Variants in NCKAP5 observed in about 807,000 individuals in gnomAD.
NCKAP5 encodes nck-associated protein 5.
A neutral mutation model predicts 167.0 loss-of-function variants in NCKAP5; 92 were observed. The observed-to-expected ratio is 0.55, with a 90% CI of 0.47 to 0.66. NCKAP5 has a LOEUF of 0.66. Ranked by LOEUF, NCKAP5 falls within the 30% of genes least tolerant of loss-of-function variation. The probability of loss-of-function intolerance (pLI) is 0.00; values close to 1 mark genes in which losing one functional copy is unlikely to be tolerated. For missense variants in NCKAP5, 2,378 were observed against 2,315.0 expected (o/e 1.03, Z -0.56); for synonymous variants, 891 against 877.4 (o/e 1.02, Z -0.27).
In NCKAP5 at chr2:132,785,640, G is replaced by C. The variant is rs1337956976; in HGVS notation, c.1171C>G (p.Leu391Val). 4 of 1,533,124 alleles carry C rather than the reference G, an allele frequency of 2.6e-6. No individual in the cohort carries two copies. The highest frequency in any genetic ancestry group is 1.4e-5 in the African/African-American group (1 of 72,156). The allele number at this position is 1,533,124 out of a possible 1,614,324, so 95.0% of individuals were successfully genotyped here. A position where few individuals can be genotyped will look rare whatever the true frequency, so the allele number is the denominator to read the frequency against. ...PSGFASPTNE[L>V]PPTRIKESHI... is the part of the protein sequence containing the mutation. ...CTTTCCTTGATACGAGTTGGAGGTA[G>C]TTCATTTGTAGGACTAGCAAAGCCA... Residue 391 changes from leucine (L) to valine (V), a missense_variant, in exon 14 of 20, where the codon CTA becomes GTA. Around this residue, in one of 3 missense-constraint regions of NCKAP5, gnomAD observed 1,049 missense variants for 1,023.4 expected, o/e 1.02. Transcript: ENST00000409261.
chr2:133,001,911 G>A (rs1384629900), intron 6 of NCKAP5, among the ~76,000 whole-genome samples: 4 of 152,140 alleles, frequency 2.6e-5, no homozygotes, highest in African/African-American at 9.7e-5. Flanking sequence ...CATGCACTGA[G>A]TACTACATTG....
chr2:133,313,132 T>C (rs1269319677), intron 3 of NCKAP5, among the ~76,000 whole-genome samples: 1 of 152,154 alleles, frequency 6.6e-6, no homozygotes, highest in Non-Finnish European at 1.5e-5. Flanking sequence ...GGATTTTATG[T>C]TGGTTAGATG....
intron 11 of NCKAP5, among the ~76,000 whole-genome samples, chr2:132,817,022 C>A (rs574400969): frequency 6.6e-6 from 1 of 152,172 alleles, no homozygotes; most frequent in African/African-American, 2.4e-5. Context: ...ACTGTCACCA[C>A]GTGGTACTGG....
intron 3 of NCKAP5, among the ~76,000 whole-genome samples, chr2:133,354,555 G>A (rs888451663): frequency 6.6e-6 from 1 of 152,170 alleles, no homozygotes; most frequent in African/African-American, 2.4e-5. Flanking sequence ...TCACCCAATA[G>A]ATAAGAAGGT....
the NCKAP5 span, among the ~76,000 whole-genome samples, chr2:133,589,686 T>A: frequency 6.6e-6 from 1 of 152,230 alleles, no homozygotes; most frequent in Admixed American, 6.5e-5. Flanking sequence ...GCCCACCAGA[T>A]GGCCAGAGCC....
At chr2:132,900,977 GAA>G (rs58885401) in intron 8 of NCKAP5, among the ~76,000 whole-genome samples, 3 of 98,700 alleles carry the variant, frequency 3.0e-5, no homozygotes, top group African/African-American at 7.3e-5. Context: ...AAAAAAAAAA[GAA>G]AAAAAAAAAA....
chr2:132,718,816 C>A (rs186440277), intron 19 of NCKAP5, among the ~76,000 whole-genome samples: 2 of 152,250 alleles, frequency 1.3e-5, no homozygotes, highest in African/African-American at 4.8e-5. Context: ...ATGTCCCCTG[C>A]TAAGTTCAGA....
At chr2:133,608,342 A>G in the NCKAP5 span, among the ~76,000 whole-genome samples, 1 of 152,214 alleles carries the variant, frequency 6.6e-6, no homozygotes, top group African/African-American at 2.4e-5. Flanking sequence ...AAGAGAGGTT[A>G]GCATCTCTTC....
At chr2:133,197,086 T>A (rs976182771) in intron 5 of NCKAP5, among the ~76,000 whole-genome samples, 1 of 152,144 alleles carries the variant, frequency 6.6e-6, no homozygotes, top group African/African-American at 2.4e-5. Context: ...AAACTAATGT[T>A]CCAGCTTTCT....
At chr2:132,812,331 T>C (rs1477063052) in intron 11 of NCKAP5, among the ~76,000 whole-genome samples, 2 of 152,358 alleles carry the variant, frequency 1.3e-5, no homozygotes, top group South Asian at 2.1e-4. Context: ...TTAATCCTTA[T>C]GGTCACTTTA....
chr2:132,673,158 C>T lies in NCKAP5; in HGVS notation c.*131G>A, dbSNP rs1683955876. 7.3e-7 allele frequency: 1 copy of T among 1,364,522 alleles called. No homozygotes were observed. The highest frequency in any genetic ancestry group is 1.5e-5 in the African/African-American group (1 of 66,468). The allele number at this position is 1,364,522 out of a possible 1,614,324, so 84.5% of individuals were successfully genotyped here. ...GTCTCTTCATTTTTTTCTTTTTCTT[C>T]CTTCTGTCCTTCAACCTTGTTCAGA... On this transcript the variant is annotated 3_prime_UTR_variant, in exon 20 of 20. Coordinates refer to ENST00000409261, the MANE Select transcript of NCKAP5 (RefSeq NM_207363.3).
intron 6 of NCKAP5, among the ~76,000 whole-genome samples, chr2:133,041,395 T>C (rs897068560): frequency 6.6e-6 from 1 of 152,176 alleles, no homozygotes; most frequent in Non-Finnish European, 1.5e-5. Context: ...ATGATGTTAA[T>C]GTCAATAGGA....
chr2:132,736,424 C>T (rs1239462593), intron 16 of NCKAP5, among the ~76,000 whole-genome samples: 1 of 152,002 alleles, frequency 6.6e-6, no homozygotes, highest in Non-Finnish European at 1.5e-5. Context: ...GTAGTAGGAC[C>T]CAAGTTCAAA....
intron 4 of NCKAP5, among the ~76,000 whole-genome samples, chr2:133,277,866 G>A (rs2089792689): frequency 3.3e-5 from 5 of 152,222 alleles, no homozygotes; most frequent in South Asian, 4.1e-4. Flanking sequence ...TACAATAAAG[G>A]TGGCATTTCA....
intron 19 of NCKAP5, among the ~76,000 whole-genome samples, chr2:132,674,578 C>T (rs1558901403): frequency 6.6e-6 from 1 of 152,210 alleles, no homozygotes; most frequent in Admixed American, 6.5e-5. Context: ...CCACCCCCAA[C>T]ATTGTTATGC....
intron 3 of NCKAP5, among the ~76,000 whole-genome samples, chr2:133,407,887 G>T (rs922535325): frequency 3.9e-5 from 6 of 152,182 alleles, no homozygotes; most frequent in African/African-American, 1.2e-4. Flanking sequence ...GGGGACCAAG[G>T]TTAGCCAGCA....
intron 19 of NCKAP5, among the ~76,000 whole-genome samples, chr2:132,707,876 G>C (rs1438464676): frequency 1.3e-5 from 2 of 152,036 alleles, no homozygotes; most frequent in Non-Finnish European, 2.9e-5. Flanking sequence ...AGTAGGAACA[G>C]GCAGCAGGCA....
chr2:133,149,457 C>G (rs926802847), intron 5 of NCKAP5, among the ~76,000 whole-genome samples: 1 of 151,440 alleles, frequency 6.6e-6, no homozygotes, highest in Non-Finnish European at 1.5e-5. Context: ...CCCACCCCCA[C>G]CACACAAACA....
chr2:132,682,087 C>A (rs969788775), intron 19 of NCKAP5, among the ~76,000 whole-genome samples: 2 of 152,138 alleles, frequency 1.3e-5, no homozygotes, highest in African/African-American at 4.8e-5. Context: ...AGAATTGGAA[C>A]AAATTTATTG....
Sources: allele counts gnomAD v4.1 joint callset (sites outside exome capture counted in the v4.1 genomes callset), GRCh38; gene constraint gnomAD v4.1.1; regional missense constraint gnomAD v4.1.1; transcripts MANE v1.5; gene names NCBI Gene and HGNC (gene_info 2026-07-23, HGNC 2026-07-21).